Variants in CHL1 observed in about 807,000 individuals in gnomAD.
The protein encoded by CHL1 is neural cell adhesion molecule L1-like protein.
A neutral mutation model predicts 141.9 loss-of-function variants in CHL1; 96 were observed. The observed-to-expected ratio is 0.68, with a 90% confidence interval of 0.57 to 0.80. The LOEUF (loss-of-function observed/expected upper bound fraction) is 0.80, where lower values mean the gene tolerates loss of function less well. CHL1 is among the 30% of genes least tolerant of loss of function. CHL1 has a pLI of 0.00. For synonymous variants in CHL1, 613 were observed against 502.2 expected, an observed-to-expected ratio of 1.22 and a Z score of -2.95; for missense variants, 1,820 against 1,457.2, an observed-to-expected ratio of 1.25 and a Z score of -4.05.
At chr3:197,630 C>CA (rs1559254178) in intron 1 of CHL1, 6 of 346,246 alleles carry the variant, frequency 1.7e-5, no homozygotes, top group South Asian at 1.3e-4. Context: ...GATCCCAGCC[C>CA]GGGGGGGGTT....
At chr3:342,423 C>T (rs1702412530) in intron 7 of CHL1, among the ~76,000 whole-genome samples, 1 of 152,070 alleles carries the variant, frequency 6.6e-6, no homozygotes, top group African/African-American at 2.4e-5. Context: ...GATAAACTGG[C>T]AGACTGAAAA....
intron 2 of CHL1, chr3:248,681 T>C (rs1483458093): frequency 1.3e-5 from 2 of 152,128 alleles, no homozygotes; most frequent in African/African-American, 2.4e-5. Flanking sequence ...TTTAAGTTAA[T>C]TTTTTCTTTC....
intron 2 of CHL1, among the ~76,000 whole-genome samples, chr3:279,557 G>A (rs1696451343): frequency 6.6e-6 from 1 of 152,282 alleles, no homozygotes; most frequent in South Asian, 2.1e-4. Flanking sequence ...TTGAATTCTG[G>A]AGTAATCAAT....
chr3:370,178 G>C (rs1416512526), intron 15 of CHL1, among the ~76,000 whole-genome samples: 6 of 152,166 alleles, frequency 3.9e-5, no homozygotes, highest in Admixed American at 3.9e-4. Flanking sequence ...AATGGTATCA[G>C]CTCCTCTTTG....
At chr3:281,426 G>A (rs1696642457) in intron 2 of CHL1, among the ~76,000 whole-genome samples, 1 of 152,052 alleles carries the variant, frequency 6.6e-6, no homozygotes, top group African/African-American at 2.4e-5. Flanking sequence ...GTAAAGTTGT[G>A]GTCATGTCGG....
intron 16 of CHL1, among the ~76,000 whole-genome samples, chr3:381,926 G>C (rs987353726): frequency 7.9e-5 from 12 of 151,676 alleles, no homozygotes; most frequent in African/African-American, 2.9e-4. Flanking sequence ...AGCTTCCTTG[G>C]CTATTGTTTA....
rs1336650585 is a variant in CHL1 at position 382,518 on chromosome 3, T to G, written c.2023T>G (p.Trp675Gly). 1 of 1,613,888 alleles carries G rather than the reference T, an allele frequency of 6.2e-7. No individual in the cohort carries two copies. The highest frequency in any genetic ancestry group is 8.5e-7 in the Non-Finnish European group (1 of 1,179,840). ...AGGAAACAAAGAAGAGCCTGGAAGG[T>G]GGGAGGAACTGACCAGAGTCCAAGG... The part of the protein sequence containing the change: ...FEGNKEEPGR[W>G]EELTRVQGKK... Residue 675 changes from tryptophan to glycine, a missense_variant, in exon 18 of 28, where the codon TGG (tryptophan) becomes GGG (glycine). Coordinates refer to ENST00000256509, the MANE Select transcript of CHL1 (RefSeq NM_006614.4).
At chr3:346,453 G>A (rs1031758879) in intron 9 of CHL1, among the ~76,000 whole-genome samples, 1 of 152,176 alleles carries the variant, frequency 6.6e-6, no homozygotes, top group African/African-American at 2.4e-5. Flanking sequence ...AGTTGGGCAG[G>A]GTGATCCTTT....
chr3:409,417 A>G lies in CHL1; in HGVS notation c.*3706A>G, dbSNP rs1266852636. On this transcript the variant is annotated 3_prime_UTR_variant, in exon 28 of 28. Coordinates refer to ENST00000256509, the MANE Select transcript of CHL1 (RefSeq NM_006614.4). The stretch of plus-strand genomic sequence containing the variant: ...AAGTTCTACTTCATGTAATCCAAAA[A>G]TGTTTGTATTCTGTTCTATATAGTT... 3.3e-5 allele frequency: 5 copies of G among 152,066 alleles called. No homozygotes were observed. Among genetic ancestry groups the G allele is most frequent in the Admixed American group, 6.6e-5 (1 of 15,244 alleles). 9.4% of individuals were successfully genotyped at this position (152,066 alleles called of 1,614,324 possible).
intron 24 of CHL1, among the ~76,000 whole-genome samples, chr3:395,294 C>T (rs1334394253): frequency 1.3e-5 from 2 of 152,208 alleles, no homozygotes; most frequent in African/African-American, 4.8e-5. Flanking sequence ...TTCATGCCTT[C>T]ACTCTATATA....
chr3:283,514 C>G (rs1397897717), intron 2 of CHL1, among the ~76,000 whole-genome samples: 1 of 152,234 alleles, frequency 6.6e-6, no homozygotes, highest in Non-Finnish European at 1.5e-5. Context: ...ATCTATTCAT[C>G]TATCTGTCTG....
At chr3:371,154 T>A (rs1176438202) in intron 15 of CHL1, among the ~76,000 whole-genome samples, 1 of 152,160 alleles carries the variant, frequency 6.6e-6, no homozygotes, top group Non-Finnish European at 1.5e-5. Flanking sequence ...GTTCTGAATA[T>A]CTTTGTTAAT....
At chr3:203,450 T>A (rs73007348) in intron 1 of CHL1, among the ~76,000 whole-genome samples, 14,787 of 152,306 alleles carry the variant, frequency 0.097, 837 homozygotes, top group African/African-American at 0.15. Context: ...GGGTAAAACA[T>A]GGCTTCCTCT....
At chr3:263,643 A>G (rs917875564) in intron 2 of CHL1, among the ~76,000 whole-genome samples, 1 of 152,206 alleles carries the variant, frequency 6.6e-6, no homozygotes, top group Admixed American at 6.5e-5. Context: ...ATTTATTCAC[A>G]TAATTGATGT....
Position 383,803 on chromosome 3 carries a change from T to G in CHL1, c.2177-13T>G, listed in dbSNP as rs753585093. ...TAAAAGGAAAAATAATGTTAATGTT[T>G]TTAATTTTTCAGCTCCAGATAGGAA... On this transcript the variant is annotated splice_polypyrimidine_tract_variant and intron_variant, in intron 18 of 27. Transcript: ENST00000256509. 5 of 1,600,700 alleles carry G rather than the reference T, an allele frequency of 3.1e-6. No individual in the cohort carries two copies. The highest frequency in any genetic ancestry group is 4.3e-6 in the Non-Finnish European group (5 of 1,170,210).
In CHL1 at chr3:354,688, G is replaced by A; in HGVS notation, c.1082G>A (p.Gly361Glu). 3 of 1,614,014 alleles carry A rather than the reference G, an allele frequency of 1.9e-6. No homozygotes were observed. The highest frequency in any genetic ancestry group is 2.5e-6 in the Non-Finnish European group (3 of 1,179,920). Residue 361 changes from glycine to glutamate, a missense_variant, in exon 11 of 28, where the codon GGA (glycine) becomes GAA (glutamate). Coordinates refer to ENST00000256509, the MANE Select transcript of CHL1 (RefSeq NM_006614.4). ...KKPQSAVYST[G>E]SNGILLCEAE... is the part of the protein sequence containing the mutation. Reference sequence around the variant, plus strand: ...CCTCAGAGTGCTGTGTATAGCACCGGAAGCAATGGCATCTTGTTATGTGAG... The same window carrying A: ...CCTCAGAGTGCTGTGTATAGCACCGAAAGCAATGGCATCTTGTTATGTGAG...
intron 3 of CHL1, among the ~76,000 whole-genome samples, chr3:320,161 A>G (rs1700450157): frequency 6.6e-6 from 1 of 152,082 alleles, no homozygotes; most frequent in Admixed American, 6.6e-5. Flanking sequence ...ATTATCTGCA[A>G]TATTACCAAC....
chr3:224,930 G>C (rs1017517558), intron 1 of CHL1, among the ~76,000 whole-genome samples: 3 of 151,200 alleles, frequency 2.0e-5, no homozygotes, highest in African/African-American at 7.3e-5. Context: ...AAGGTCGAGA[G>C]TTCAAGACCA....
At chr3:294,120 A>C (rs1028693620) in intron 2 of CHL1, among the ~76,000 whole-genome samples, 6 of 151,792 alleles carry the variant, frequency 4.0e-5, no homozygotes, top group African/African-American at 1.2e-4. Context: ...GGAGTTCAAG[A>C]CCAGACTGGG....
Sources: gnomAD v4.1 joint callset for allele counts (sites outside exome capture counted in the v4.1 genomes callset) on GRCh38, gnomAD v4.1.1 for gene constraint, MANE v1.5 for transcripts, NCBI Gene and HGNC (gene_info 2026-07-23, HGNC 2026-07-21) for gene names.